Variants in ATP2C2 observed in about 807,000 individuals in gnomAD.
ATP2C2 encodes calcium-transporting ATPase type 2C member 2.
ATP2C2 carries 171 observed loss-of-function variants against 110.8 expected under a neutral mutation model. That is an observed-to-expected ratio of 1.54 (90% CI 1.36 to 1.75). ATP2C2 has a LOEUF of 1.75. ATP2C2 is among the 40% of genes most tolerant of loss of function. The pLI, the probability that ATP2C2 is intolerant of heterozygous loss-of-function variation, is 0.00. For synonymous variants in ATP2C2, 804 were observed against 508.4 expected (o/e 1.58, Z -7.82); for missense variants, 1,963 against 1,235.0 (o/e 1.59, Z -8.84).
chr16:84,398,820 C>T (rs566801488), intron 2 of ATP2C2, among the ~76,000 whole-genome samples: 3 of 152,178 alleles, frequency 2.0e-5, no homozygotes, highest in East Asian at 1.9e-4. Context: ...AGGCCCTTAC[C>T]GGAAGACGGC....
chr16:84,444,647 G>A (rs181629228), intron 15 of ATP2C2, among the ~76,000 whole-genome samples: 41 of 152,320 alleles, frequency 2.7e-4, no homozygotes, highest in African/African-American at 7.9e-4. Flanking sequence ...CGGCCTGACC[G>A]CCTGGCAGGA....
intron 11 of ATP2C2, among the ~76,000 whole-genome samples, chr16:84,428,926 G>A (rs1411899552): frequency 1.3e-5 from 2 of 152,174 alleles, no homozygotes. Context: ...TGATGCAGTG[G>A]TGCTGTACAG....
intron 7 of ATP2C2, among the ~76,000 whole-genome samples, chr16:84,421,049 G>C (rs866360744): frequency 1.3e-5 from 2 of 152,114 alleles, no homozygotes; most frequent in Non-Finnish European, 2.9e-5. Flanking sequence ...CAAGTGATCT[G>C]CCTGCCTCGG....
intron 10 of ATP2C2, among the ~76,000 whole-genome samples, chr16:84,424,431 T>C (rs1184278408): frequency 6.6e-6 from 1 of 151,990 alleles, no homozygotes; most frequent in Non-Finnish European, 1.5e-5. Flanking sequence ...GCATGCACCA[T>C]CACGCCCAGC....
intron 7 of ATP2C2, among the ~76,000 whole-genome samples, chr16:84,416,028 G>A (rs567355712): frequency 7.2e-4 from 109 of 152,288 alleles, no homozygotes; most frequent in African/African-American, 2.6e-3. Flanking sequence ...ACAATAATTA[G>A]CTAGGCATGG....
chr16:84,396,327 C>G (rs1250233160), intron 1 of ATP2C2, among the ~76,000 whole-genome samples: 1 of 151,952 alleles, frequency 6.6e-6, no homozygotes, highest in African/African-American at 2.4e-5. Flanking sequence ...AGGCAGATCA[C>G]CTGAGGTCAG....
chr16:84,402,722 A>G (rs1316670980), intron 2 of ATP2C2, among the ~76,000 whole-genome samples: 6 of 152,192 alleles, frequency 3.9e-5, no homozygotes, highest in African/African-American at 1.4e-4. Flanking sequence ...TTTTGCATCA[A>G]TAGTCATCAG....
At chr16:84,392,880 G>C (rs1904743412) in intron 1 of ATP2C2, among the ~76,000 whole-genome samples, 4 of 152,196 alleles carry the variant, frequency 2.6e-5, no homozygotes, top group African/African-American at 9.7e-5. Flanking sequence ...ATTATCTCCA[G>C]TATTTCCTGT....
intron 11 of ATP2C2, among the ~76,000 whole-genome samples, chr16:84,429,504 C>A (rs191961664): frequency 6.6e-6 from 1 of 152,134 alleles, no homozygotes; most frequent in East Asian, 1.9e-4. Context: ...GTGTATAGCA[C>A]GTGACTGCGT....
At position 84,421,862 on chromosome 16, in the gene ATP2C2, G is replaced by A. The variant is rs950694917; in HGVS notation, c.625-528G>A. ...AGGGCTAAGCCTTGTGGGGAGCTGCGCACAGGGCCTGGTGTGTAGTCAGTG... is the reference window on the plus strand; with the variant it reads ...AGGGCTAAGCCTTGTGGGGAGCTGCACACAGGGCCTGGTGTGTAGTCAGTG... On this transcript the variant is annotated intron_variant, in intron 7 of 26. Coordinates refer to ENST00000262429, the MANE Select transcript of ATP2C2 (RefSeq NM_014861.4). Among the ~76,000 whole-genome samples, 6 of 152,150 alleles carry A rather than the reference G, an allele frequency of 3.9e-5. 1 individual carries two copies. The East Asian group carries it at 5.8e-4, about 15-fold the overall frequency.
chr16:84,441,748 C>G (rs539688598), intron 14 of ATP2C2, among the ~76,000 whole-genome samples: 24 of 152,328 alleles, frequency 1.6e-4, no homozygotes, highest in African/African-American at 5.8e-4. Context: ...TGGTGAAACC[C>G]CATCTCTACT....
intron 9 of ATP2C2, 130 bp downstream of exon 9, chr16:84,422,827 C>T (rs938753841): frequency 4.8e-5 from 50 of 1,048,786 alleles, no homozygotes; most frequent in Non-Finnish European, 6.1e-5. Flanking sequence ...ACTTTTTAAA[C>T]ATTTAATTTT....
At chr16:84,448,266 C>A (rs780063894) in intron 16 of ATP2C2, among the ~76,000 whole-genome samples, 7 of 147,652 alleles carry the variant, frequency 4.7e-5, no homozygotes, top group Non-Finnish European at 7.4e-5. Context: ...CTCTGAGTGA[C>A]CATAACAAGG....
Position 84,461,795 on chromosome 16 carries a change from T to G in ATP2C2, c.2563T>G (p.Leu855Val), listed in dbSNP as rs1240576630. Residue 855 changes from leucine to valine, a missense_variant, in exon 25 of 27, where the codon TTG becomes GTG. Physicochemically the swap from Leu to Val is conservative, Grantham distance 32. Coordinates refer to ENST00000262429, the MANE Select transcript of ATP2C2 (RefSeq NM_014861.4). The part of the protein sequence containing the change: ...CFVFFDLFNA[L>V]TCRSQTKLIF... Reference sequence around the variant, plus strand: ...TGTGTTTTTCGATCTCTTCAACGCCTTGACCTGCCGCTCTCAGGTGAGACC... The same window carrying G: ...TGTGTTTTTCGATCTCTTCAACGCCGTGACCTGCCGCTCTCAGGTGAGACC... 5.0e-6 allele frequency: 8 copies of G among 1,614,058 alleles called. No individual in the cohort carries two copies. Among genetic ancestry groups the G allele is most frequent in the Non-Finnish European group, 6.8e-6 (8 of 1,179,988 alleles).
intron 1 of ATP2C2, among the ~76,000 whole-genome samples, chr16:84,373,185 G>C (rs12716749): frequency 0.41 from 61,479 of 151,076 alleles, 13,510 homozygotes; most frequent in South Asian, 0.5. Context: ...GCCTTATTTT[G>C]ATATATTGGT....
chr16:84,462,522 G>A (rs1911483015), intron 26 of ATP2C2: 1 of 174,764 alleles, frequency 5.7e-6, no homozygotes, highest in Non-Finnish European at 1.2e-5. Flanking sequence ...TTAGAGATCT[G>A]GTCACCTGAA....
intron 3 of ATP2C2, among the ~76,000 whole-genome samples, chr16:84,406,937 A>G (rs1014978352): frequency 6.6e-6 from 1 of 152,084 alleles, no homozygotes; most frequent in Non-Finnish European, 1.5e-5. Flanking sequence ...TCCAGCCTCC[A>G]GCCAGGGTGT....
chr16:84,463,700 A>G lies in ATP2C2; in HGVS notation c.2809A>G (p.Lys937Glu), dbSNP rs763104647. 2.5e-6 allele frequency: 4 copies of G among 1,614,142 alleles called. No homozygotes were observed. The highest frequency in any genetic ancestry group is 2.5e-6 in the Non-Finnish European group (3 of 1,179,980). ...ATGTGAAAAATACTGTTGCAGCCCC[A>G]AGAGAGTCCAGATGCACCCTGAAGA... ...KLCEKYCCSPKRVQMHPEDV is the reference protein window; with the variant it reads ...KLCEKYCCSPERVQMHPEDV The change falls in exon 27 of 27, where the codon AAG becomes GAG. Residue 937 changes from lysine (K) to glutamate (E), a missense_variant. By Grantham distance (56) the Lys-to-Glu change is moderately conservative. Transcript: ENST00000262429.
At chr16:84,426,444 T>C (rs991201437) in intron 11 of ATP2C2, among the ~76,000 whole-genome samples, 2 of 152,140 alleles carry the variant, frequency 1.3e-5, no homozygotes, top group African/African-American at 4.8e-5. Flanking sequence ...ATCAGCTTTC[T>C]TGTCACTCTT....
Sources: gnomAD v4.1 joint callset for allele counts (sites outside exome capture counted in the v4.1 genomes callset) on GRCh38, gnomAD v4.1.1 for gene constraint, MANE v1.5 for transcripts, NCBI Gene and HGNC (gene_info 2026-07-23, HGNC 2026-07-21) for gene names.